Variants in PIK3C2G observed in about 807,000 individuals in gnomAD.
The protein encoded by PIK3C2G is phosphatidylinositol 3-kinase C2 domain-containing subunit gamma.
In PIK3C2G, 168 loss-of-function variants were observed where a neutral mutation model predicts 181.1. The observed-to-expected ratio is 0.93, with a 90% CI of 0.82 to 1.05. The LOEUF (loss-of-function observed/expected upper bound fraction) is 1.05. Among genes scored for constraint, PIK3C2G ranks in the 50% least tolerant of loss-of-function variants. The pLI is 0.00. For synonymous variants in PIK3C2G, 573 were observed against 592.2 expected (o/e 0.97, Z 0.47); for missense variants, 1,869 against 1,732.8 (o/e 1.08, Z -1.40).
At chr12:18,275,148 T>C (rs1050847528) in intron 1 of PIK3C2G, among the ~76,000 whole-genome samples, 2 of 152,210 alleles carry the variant, frequency 1.3e-5, no homozygotes, top group African/African-American at 4.8e-5. Flanking sequence ...GGTTTAATTC[T>C]CTTTTCTTGA....
intron 31 of PIK3C2G, among the ~76,000 whole-genome samples, chr12:18,639,287 G>A (rs913950252): frequency 3.3e-5 from 5 of 151,860 alleles, no homozygotes; most frequent in South Asian, 2.1e-4. Context: ...TTTACTACAC[G>A]TTTTTTTGAG....
At chr12:18,350,658 T>C (rs1940136345) in intron 11 of PIK3C2G, among the ~76,000 whole-genome samples, 1 of 152,142 alleles carries the variant, frequency 6.6e-6, no homozygotes, top group African/African-American at 2.4e-5. Context: ...ATTAGCACAT[T>C]AAGGAATGTG....
At chr12:18,359,678 A>G (rs1175418578) in intron 11 of PIK3C2G, among the ~76,000 whole-genome samples, 4 of 152,184 alleles carry the variant, frequency 2.6e-5, no homozygotes, top group Admixed American at 1.3e-4. Context: ...TTCCTGGTCA[A>G]TTTACCTTTT....
At chr12:18,374,511 G>A (rs540617963) in intron 13 of PIK3C2G, among the ~76,000 whole-genome samples, 70 of 152,176 alleles carry the variant, frequency 4.6e-4, no homozygotes, top group Non-Finnish European at 7.5e-4. Context: ...TTGAAAAACC[G>A]GCAGTTGGTT....
chr12:18,580,779 T>C (rs1946456392), intron 29 of PIK3C2G, among the ~76,000 whole-genome samples: 1 of 152,222 alleles, frequency 6.6e-6, no homozygotes, highest in Admixed American at 6.5e-5. Context: ...ATAAAATTAC[T>C]GTTCAACTTT....
At chr12:18,281,866 A>C in intron 1 of PIK3C2G, 138 bp from the exon 2 acceptor site, 1 of 509,778 alleles carries the variant, frequency 2.0e-6, no homozygotes, top group South Asian at 3.3e-5. Context: ...ATAGAGTTTT[A>C]TAGTACTTAA....
chr12:18,446,248 T>A (rs1218646360), intron 18 of PIK3C2G, among the ~76,000 whole-genome samples: 1 of 152,094 alleles, frequency 6.6e-6, no homozygotes, highest in Non-Finnish European at 1.5e-5. Context: ...TAAGACCCAC[T>A]CCACCATTTC....
At chr12:18,618,256 G>A (rs1310482282) in intron 31 of PIK3C2G, among the ~76,000 whole-genome samples, 1 of 152,086 alleles carries the variant, frequency 6.6e-6, no homozygotes, top group African/African-American at 2.4e-5. Flanking sequence ...AAGAAACGTG[G>A]CCTGTGTTTG....
the PIK3C2G span, among the ~76,000 whole-genome samples, chr12:18,721,907 A>C: frequency 6.6e-6 from 1 of 151,974 alleles, no homozygotes; most frequent in African/African-American, 2.4e-5. Context: ...TTTGCATGGC[A>C]CTGAGTCATG....
chr12:18,512,995 T>C (rs1280976520), intron 24 of PIK3C2G, among the ~76,000 whole-genome samples: 1 of 151,928 alleles, frequency 6.6e-6, no homozygotes, highest in Non-Finnish European at 1.5e-5. Context: ...GGAGAGTTTT[T>C]ATCATGAAGG....
chr12:18,443,895 G>C (rs1946878807), intron 18 of PIK3C2G, among the ~76,000 whole-genome samples: 1 of 152,080 alleles, frequency 6.6e-6, no homozygotes. Flanking sequence ...CCTTCTCCTT[G>C]ACGCCCAAGA....
At chr12:18,679,909 A>G in the PIK3C2G span, among the ~76,000 whole-genome samples, 5 of 152,150 alleles carry the variant, frequency 3.3e-5, no homozygotes, top group South Asian at 1.0e-3. Flanking sequence ...CTATCTCTTC[A>G]TCAGTTCAAA....
chr12:18,271,771 T>C (rs1026380683), intron 1 of PIK3C2G, among the ~76,000 whole-genome samples: 11 of 152,210 alleles, frequency 7.2e-5, no homozygotes, highest in African/African-American at 2.7e-4. Flanking sequence ...CCATAAGATA[T>C]GTCACCTCAA....
chr12:18,602,522 T>C (rs868714413), intron 30 of PIK3C2G, among the ~76,000 whole-genome samples: 26 of 151,258 alleles, frequency 1.7e-4, no homozygotes, highest in Non-Finnish European at 3.4e-4. Flanking sequence ...CCCTCCACAT[T>C]ACTACAGCTG....
intron 16 of PIK3C2G, among the ~76,000 whole-genome samples, chr12:18,411,945 A>G (rs892414566): frequency 6.6e-6 from 1 of 152,162 alleles, no homozygotes; most frequent in African/African-American, 2.4e-5. Flanking sequence ...AAAAAACAAT[A>G]AGGGGAGAAA....
chr12:18,253,037 T>A (rs1455366416), intron 1 of PIK3C2G, among the ~76,000 whole-genome samples: 1 of 152,120 alleles, frequency 6.6e-6, no homozygotes, highest in Non-Finnish European at 1.5e-5. Flanking sequence ...ATAAGACAGG[T>A]CTATGCACTT....
intron 25 of PIK3C2G, 31 bp downstream of exon 25, chr12:18,538,343 A>G: frequency 1.3e-6 from 2 of 1,567,178 alleles, no homozygotes; most frequent in Non-Finnish European, 1.7e-6. Context: ...AAACAAAAAT[A>G]ATAAGCTTCA....
intron 22 of PIK3C2G, among the ~76,000 whole-genome samples, chr12:18,498,914 C>T (rs1941216403): frequency 6.6e-6 from 1 of 152,180 alleles, no homozygotes; most frequent in Admixed American, 6.5e-5. Flanking sequence ...TCTTACCCTA[C>T]TTTTTCTCAC....
At chr12:18,320,916 C>T (rs755253400) in intron 6 of PIK3C2G, 46 bp from the exon 7 acceptor site, 1 of 1,028,568 alleles carries the variant, frequency 9.7e-7, no homozygotes, top group East Asian at 2.5e-5. Context: ...ATCTGGTACT[C>T]ATTCCTATTC....
Sources: gnomAD v4.1 joint callset for allele counts (sites outside exome capture counted in the v4.1 genomes callset) on GRCh38, gnomAD v4.1.1 for gene constraint, MANE v1.5 for transcripts, NCBI Gene and HGNC (gene_info 2026-07-23, HGNC 2026-07-21) for gene names.